Variants in SPEF2 observed in about 807,000 individuals in gnomAD.
The protein encoded by SPEF2 is sperm flagella and cilia-associated protein 2.
Under a neutral mutation model 224.6 loss-of-function variants are expected in SPEF2, and 187 were observed. The ratio of observed to expected loss-of-function variants is 0.83; its 90% CI spans 0.74 to 0.94. The LOEUF is 0.94. Among genes scored for constraint, SPEF2 ranks in the 40% least tolerant of loss-of-function variants. The pLI, the probability that SPEF2 is intolerant of heterozygous loss-of-function variation, is 0.00. For synonymous variants in SPEF2, 715 were observed against 707.3 expected (o/e 1.01, Z -0.17); for missense variants, 2,170 against 2,135.6 (o/e 1.02, Z -0.32).
intron 26 of SPEF2, among the ~76,000 whole-genome samples, chr5:35,764,271 A>G (rs1200533772): frequency 1.3e-5 from 2 of 152,030 alleles, no homozygotes; most frequent in Non-Finnish European, 2.9e-5. Context: ...TAAGTTACCT[A>G]TGGGGTAAGT....
intron 19 of SPEF2, chr5:35,709,588 A>G: frequency 1.0e-6 from 1 of 986,220 alleles, no homozygotes; most frequent in Non-Finnish European, 1.2e-6. Context: ...GTAAATCTTC[A>G]GGACTATGTG....
chr5:35,802,341 G>A (rs151109744), intron 34 of SPEF2, among the ~76,000 whole-genome samples: 10 of 152,250 alleles, frequency 6.6e-5, no homozygotes, highest in Non-Finnish European at 1.5e-4. Flanking sequence ...CTGGCAGGGC[G>A]GAGCACATTC....
chr5:35,627,225 A>G (rs1035706273), intron 1 of SPEF2, among the ~76,000 whole-genome samples: 10 of 152,120 alleles, frequency 6.6e-5, no homozygotes, highest in Admixed American at 1.3e-4. Context: ...GTAAGTCTAT[A>G]TATTTTACTT....
chr5:35,658,082 GTC>G (rs1413846025), intron 7 of SPEF2, among the ~76,000 whole-genome samples: 1 of 152,106 alleles, frequency 6.6e-6, no homozygotes, highest in African/African-American at 2.4e-5. Flanking sequence ...TCCACATGAT[GTC>G]TCTGTTTCGA....
In SPEF2 at chr5:35,795,784, C is replaced by T. The variant is rs562545189; in HGVS notation, c.4819C>T (p.His1607Tyr). 1 of 1,611,406 alleles carries T rather than the reference C, an allele frequency of 6.2e-7. No individual in the cohort carries two copies. Among genetic ancestry groups the T allele is most frequent in the African/African-American group, 1.3e-5 (1 of 74,968 alleles). ...ACCCCTTCCATTTAATAGGCAGGAGCATCTTATAGAGGTAATGACTGAGAT... is the reference window on the plus strand; with the variant it reads ...ACCCCTTCCATTTAATAGGCAGGAGTATCTTATAGAGGTAATGACTGAGAT... ...LEPLPFNRQE[H>Y]LIEFFFRLFA... Residue 1607 changes from histidine (H) to tyrosine (Y), a missense_variant, in exon 33 of 37, where the codon CAT becomes TAT. By Grantham distance (83) the His-to-Tyr change is moderately conservative. Transcript: ENST00000356031.
rs777292670 is a variant in SPEF2 at position 35,705,765 on chromosome 5, A to G, written c.2622A>G (p.Val874=). Reference sequence around the variant, plus strand: ...ATAAGGAATCTTTATGTGAAAAAGTAAAAGAAATTCTTACGACTGAAATAG... The same window carrying G: ...ATAAGGAATCTTTATGTGAAAAAGTGAAAGAAATTCTTACGACTGAAATAG... ...EIDKESLCEK[V]KEILTTEIAK... The change falls in exon 18 of 37, where the codon GTA becomes GTG. Residue 874 remains valine, a synonymous_variant. Coordinates refer to ENST00000356031, the MANE Select transcript of SPEF2 (RefSeq NM_024867.4). 1.3e-6 allele frequency: 2 copies of G among 1,535,208 alleles called. No homozygotes were observed. Among genetic ancestry groups the G allele is most frequent in the African/African-American group, 1.4e-5 (1 of 71,290 alleles).
chr5:35,721,696 G>A lies in SPEF2; in HGVS notation c.2915-5979G>A, dbSNP rs551241141. The stretch of plus-strand genomic sequence containing the variant: ...CCAAGTGCTTGTCTTTCTTTAGGCC[G>A]AATTAGTTAGAGATCTTTTCACAGA... On this transcript the variant is annotated intron_variant, in intron 20 of 36. Coordinates refer to ENST00000356031, the MANE Select transcript of SPEF2 (RefSeq NM_024867.4). Among the ~76,000 whole-genome samples the A allele has an allele frequency of 4.6e-5, 7 of 151,582 alleles. No homozygotes were observed. In the East Asian group the frequency reaches 7.8e-4, roughly 17 times the overall value.
chr5:35,754,466 C>A (rs1750151485), intron 24 of SPEF2, among the ~76,000 whole-genome samples: 6 of 152,188 alleles, frequency 3.9e-5, no homozygotes. Flanking sequence ...TTTCTACGAA[C>A]TTCATCACAG....
At chr5:35,771,152 TA>T (rs1442912261) in intron 26 of SPEF2, among the ~76,000 whole-genome samples, 1 of 145,208 alleles carries the variant, frequency 6.9e-6, no homozygotes, top group Non-Finnish European at 1.5e-5. Context: ...TGAATGCAAA[TA>T]AAAAAATAAA....
In SPEF2 at chr5:35,753,697, T is replaced by C; in HGVS notation, c.3404T>C (p.Ile1135Thr). ...GCGGAGCAGGAGCGGCTTGACATCA[T>C]TAATGAGAGCTGGTTACAGGACACT... Reference protein sequence around the residue: ...EEAEQERLDIINESWLQDTLG... With the variant: ...EEAEQERLDITNESWLQDTLG... The change falls in exon 24 of 37, where the codon ATT (isoleucine) becomes ACT (threonine). Residue 1135 changes from isoleucine (I) to threonine (T), a missense_variant. Physicochemically the swap from Ile to Thr is moderately conservative, Grantham distance 89. Transcript: ENST00000356031. The C allele has an allele frequency of 1.9e-6, 3 of 1,614,126 alleles. No homozygotes were observed. The highest frequency in any genetic ancestry group is 2.5e-6 in the Non-Finnish European group (3 of 1,180,010).
chr5:35,646,621 A>C (rs1460527792), intron 4 of SPEF2, 46 bp from the exon 5 acceptor site: 5 of 1,574,940 alleles, frequency 3.2e-6, no homozygotes, highest in South Asian at 2.3e-5. Context: ...TATATTGCCT[A>C]TTCTGTTATT....
intron 20 of SPEF2, among the ~76,000 whole-genome samples, chr5:35,723,356 A>G (rs1309436316): frequency 6.6e-6 from 1 of 152,198 alleles, no homozygotes; most frequent in African/African-American, 2.4e-5. Context: ...TGTTAGAAAT[A>G]TAGATACTCA....
At chr5:35,809,663 C>A (rs1197939069) in intron 36 of SPEF2, among the ~76,000 whole-genome samples, 1 of 152,060 alleles carries the variant, frequency 6.6e-6, no homozygotes, top group Non-Finnish European at 1.5e-5. Context: ...TGCGAAGAAC[C>A]CAGATGTCAC....
At chr5:35,654,816 A>G (rs1483452073) in intron 7 of SPEF2, 90 bp downstream of exon 7, 1 of 1,132,292 alleles carries the variant, frequency 8.8e-7, no homozygotes, top group African/African-American at 1.6e-5. Flanking sequence ...TTATATATGT[A>G]TTGTCTGCTA....
intron 11 of SPEF2, among the ~76,000 whole-genome samples, chr5:35,692,363 A>G (rs1206921425): frequency 6.6e-6 from 1 of 152,124 alleles, no homozygotes; most frequent in Non-Finnish European, 1.5e-5. Context: ...GTGAGCTGAG[A>G]CCATGCCACT....
At chr5:35,672,439 G>A (rs1751327442) in intron 10 of SPEF2, among the ~76,000 whole-genome samples, 2 of 150,288 alleles carry the variant, frequency 1.3e-5, no homozygotes, top group African/African-American at 4.9e-5. Flanking sequence ...AATGACAAAT[G>A]TGGACAACTG....
intron 8 of SPEF2, 62 bp from the exon 9 acceptor site, chr5:35,667,010 G>A: frequency 6.9e-7 from 1 of 1,453,274 alleles, no homozygotes; most frequent in South Asian, 1.4e-5. Flanking sequence ...CCATTGAAAT[G>A]ATGACATTAT....
intron 10 of SPEF2, among the ~76,000 whole-genome samples, chr5:35,672,050 AT>A (rs1751273482): frequency 6.6e-6 from 1 of 151,726 alleles, no homozygotes; most frequent in Non-Finnish European, 1.5e-5. Flanking sequence ...CAAGTAAAAA[AT>A]AAATGTTTCA....
chr5:35,675,274 A>C (rs1472633908), intron 10 of SPEF2, among the ~76,000 whole-genome samples: 1 of 152,188 alleles, frequency 6.6e-6, no homozygotes, highest in Non-Finnish European at 1.5e-5. Context: ...CCTAAAATAC[A>C]AACATTTCTC....
Sources: gnomAD v4.1 joint callset for allele counts (sites outside exome capture counted in the v4.1 genomes callset) on GRCh38, gnomAD v4.1.1 for gene constraint, MANE v1.5 for transcripts, NCBI Gene and HGNC (gene_info 2026-07-23, HGNC 2026-07-21) for gene names.